The following MACROD2 variants were observed in gnomAD, a reference collection of about 807,000 sequenced individuals.
MACROD2 encodes the protein mono-ADP ribosylhydrolase 2.
In MACROD2, 36 loss-of-function variants were observed where a neutral mutation model predicts 70.4. The ratio of observed to expected loss-of-function variants is 0.51; its 90% CI spans 0.39 to 0.68. The LOEUF (loss-of-function observed/expected upper bound fraction) is 0.68. Ranked by LOEUF, MACROD2 falls within the 30% of genes least tolerant of loss-of-function variation. The probability of loss-of-function intolerance (pLI) is 0.00; values close to 1 mark genes in which losing one functional copy is unlikely to be tolerated. For missense variants in MACROD2, 496 were observed against 538.4 expected, an observed-to-expected ratio of 0.92 and a Z score of 0.78; for synonymous variants, 172 against 178.8, an observed-to-expected ratio of 0.96 and a Z score of 0.30.
At chr20:15,196,982 T>G (rs2076611523) in intron 5 of MACROD2, 1 of 985,142 alleles carries the variant, frequency 1.0e-6, no homozygotes, top group Non-Finnish European at 1.2e-6. Context: ...AAAGAGCACA[T>G]TTTTTGGAAA....
intron 5 of MACROD2, among the ~76,000 whole-genome samples, chr20:14,769,188 T>C (rs1399548995): frequency 1.3e-5 from 2 of 152,124 alleles, no homozygotes; most frequent in African/African-American, 4.8e-5. Flanking sequence ...CCCAGGGTAG[T>C]CATCCTTCAT....
At chr20:14,048,478 A>G (rs919671143) in intron 2 of MACROD2, among the ~76,000 whole-genome samples, 1 of 152,176 alleles carries the variant, frequency 6.6e-6, no homozygotes, top group Non-Finnish European at 1.5e-5. Flanking sequence ...CAGAAGGATC[A>G]ATTTCTATGT....
chr20:14,810,236 C>T (rs974989098), intron 5 of MACROD2, among the ~76,000 whole-genome samples: 5 of 152,044 alleles, frequency 3.3e-5, no homozygotes, highest in African/African-American at 1.2e-4. Flanking sequence ...AAAAACTTAT[C>T]CACCATGATC....
chr20:15,330,352 T>C (rs962841298), intron 6 of MACROD2, among the ~76,000 whole-genome samples: 1 of 148,250 alleles, frequency 6.7e-6, no homozygotes, highest in Non-Finnish European at 1.5e-5. Flanking sequence ...GTGTTGAGTA[T>C]TCAGAAGTGA....
At chr20:14,879,262 G>T (rs566191540) in intron 5 of MACROD2, among the ~76,000 whole-genome samples, 1 of 152,112 alleles carries the variant, frequency 6.6e-6, no homozygotes, top group Non-Finnish European at 1.5e-5. Flanking sequence ...GACAGAAAAA[G>T]AATGAGTTGA....
At chr20:14,894,360 A>C (rs1366313349) in intron 5 of MACROD2, 1 of 151,984 alleles carries the variant, frequency 6.6e-6, no homozygotes, top group Admixed American at 6.6e-5. Context: ...CCTCCCGAGT[A>C]GCTAGGACTA....
intron 6 of MACROD2, among the ~76,000 whole-genome samples, chr20:15,319,834 C>T (rs2077853935): frequency 6.6e-6 from 1 of 152,222 alleles, no homozygotes; most frequent in South Asian, 2.1e-4. Context: ...AAAAGTTATG[C>T]TAAGTGAATG....
At chr20:15,037,290 G>A (rs1198126843) in intron 5 of MACROD2, among the ~76,000 whole-genome samples, 1 of 152,200 alleles carries the variant, frequency 6.6e-6, no homozygotes, top group East Asian at 1.9e-4. Flanking sequence ...AGAGGGATAT[G>A]AGGAGAGTAG....
chr20:14,371,426 G>A (rs1373522326), intron 3 of MACROD2, among the ~76,000 whole-genome samples: 1 of 152,154 alleles, frequency 6.6e-6, no homozygotes, highest in African/African-American at 2.4e-5. Context: ...GGAGTTCAAA[G>A]CTGCAGTGAG....
At chr20:14,802,361 G>A (rs993840341) in intron 5 of MACROD2, among the ~76,000 whole-genome samples, 11 of 152,006 alleles carry the variant, frequency 7.2e-5, no homozygotes, top group Admixed American at 2.6e-4. Flanking sequence ...ATGGCTAAAC[G>A]CTTTTATTAA....
chr20:14,834,652 A>G (rs888083585), intron 5 of MACROD2, among the ~76,000 whole-genome samples: 4 of 152,220 alleles, frequency 2.6e-5, no homozygotes, highest in Admixed American at 2.0e-4. Context: ...AAAATCTACA[A>G]TGGGTACTAC....
chr20:15,174,728 T>A (rs2076447057), intron 5 of MACROD2, among the ~76,000 whole-genome samples: 2 of 152,220 alleles, frequency 1.3e-5, no homozygotes, highest in African/African-American at 4.8e-5. Context: ...TCACTGTGGT[T>A]TTGATTTGCA....
intron 9 of MACROD2, among the ~76,000 whole-genome samples, chr20:15,868,585 T>G (rs2064526662): frequency 6.8e-6 from 1 of 147,974 alleles, no homozygotes; most frequent in African/African-American, 2.5e-5. Flanking sequence ...TTTCATTGCT[T>G]CTTGGGCTAA....
At chr20:15,784,095 C>A (rs1288917505) in intron 8 of MACROD2, among the ~76,000 whole-genome samples, 1 of 151,974 alleles carries the variant, frequency 6.6e-6, no homozygotes, top group Admixed American at 6.6e-5. Flanking sequence ...TCTCAAATGT[C>A]GAATCTGTGG....
chr20:15,007,146 C>A (rs909572639), intron 5 of MACROD2, among the ~76,000 whole-genome samples: 1 of 152,130 alleles, frequency 6.6e-6, no homozygotes, highest in Non-Finnish European at 1.5e-5. Context: ...AGGCGGATCA[C>A]AAGGTCAGGA....
intron 4 of MACROD2, among the ~76,000 whole-genome samples, chr20:14,658,451 C>T (rs1421545525): frequency 6.6e-6 from 1 of 152,196 alleles, no homozygotes; most frequent in Non-Finnish European, 1.5e-5. Context: ...AGCAGAGGAA[C>T]TGTACTCTTA....
chr20:15,657,704 A>G (rs549042913), intron 8 of MACROD2, among the ~76,000 whole-genome samples: 2 of 152,302 alleles, frequency 1.3e-5, no homozygotes, highest in South Asian at 4.1e-4. Context: ...CTTAATAATT[A>G]GCTTCAGGCT....
At chr20:15,436,248 A>G (rs920727430) in intron 7 of MACROD2, among the ~76,000 whole-genome samples, 5 of 152,146 alleles carry the variant, frequency 3.3e-5, no homozygotes, top group African/African-American at 1.2e-4. Context: ...GAAAGAGGTA[A>G]TTGGACTCAC....
intron 5 of MACROD2, among the ~76,000 whole-genome samples, chr20:14,804,777 T>C (rs2072618838): frequency 6.6e-6 from 1 of 152,016 alleles, no homozygotes; most frequent in African/African-American, 2.4e-5. Context: ...ATGCTAATCT[T>C]TCCCAATTTC....
Sources: allele counts gnomAD v4.1 joint callset (sites outside exome capture counted in the v4.1 genomes callset), GRCh38; gene constraint gnomAD v4.1.1; transcripts MANE v1.5; gene names NCBI Gene and HGNC (gene_info 2026-07-23, HGNC 2026-07-21).